TMEM131: variants seen among roughly 807,000 people sequenced by gnomAD.
TMEM131 encodes 2610524E03Rik.
In TMEM131, 66 loss-of-function variants were observed where a neutral mutation model predicts 211.6. That is an observed-to-expected ratio of 0.31 (90% CI 0.26 to 0.38). The LOEUF (loss-of-function observed/expected upper bound fraction) is 0.38. Among genes scored for constraint, TMEM131 ranks in the 10% least tolerant of loss-of-function variants. TMEM131 has a pLI of 1.00. For synonymous variants in TMEM131, 844 were observed against 841.3 expected (o/e 1.00, Z -0.06); for missense variants, 2,036 against 2,299.3 (o/e 0.89, Z 2.34).
At chr2:97,832,335 C>G (rs566756666) in intron 11 of TMEM131, among the ~76,000 whole-genome samples, 2 of 152,100 alleles carry the variant, frequency 1.3e-5, no homozygotes, top group South Asian at 4.1e-4. Flanking sequence ...ATTTATTGTA[C>G]GTAAAAAGTT....
In TMEM131 at chr2:97,960,766, T is replaced by C. The variant is rs371199690; in HGVS notation, c.188-33279A>G. 3.3e-5 allele frequency among the ~76,000 whole-genome samples: 5 copies of C among 152,124 alleles called. No individual in the cohort carries two copies. The East Asian group carries it at 5.8e-4, about 18-fold the overall frequency. On this transcript the variant is annotated intron_variant, in intron 1 of 40. Transcript: ENST00000186436. ...CCAACAGACTTCATTAATGCAGACA[T>C]AAAAAATGCTTAAAGGTGTTTTACC...
At chr2:97,870,266 G>C (rs1274934816) in intron 4 of TMEM131, among the ~76,000 whole-genome samples, 1 of 152,082 alleles carries the variant, frequency 6.6e-6, no homozygotes, top group East Asian at 1.9e-4. Flanking sequence ...GTATGTACAG[G>C]TACATTAGAG....
At chr2:97,789,120 A>G (rs1415162407) in intron 31 of TMEM131, among the ~76,000 whole-genome samples, 2 of 152,204 alleles carry the variant, frequency 1.3e-5, no homozygotes, top group African/African-American at 4.8e-5. Flanking sequence ...CGCTTCACAC[A>G]AACTGTTCTT....
At chr2:97,850,289 C>T (rs773523298) in intron 5 of TMEM131, among the ~76,000 whole-genome samples, 23 of 152,008 alleles carry the variant, frequency 1.5e-4, no homozygotes, top group Non-Finnish European at 8.8e-5. Context: ...CAAACCTGAC[C>T]CACAGAAAGG....
chr2:97,976,592 T>A (rs1679546617), intron 1 of TMEM131, among the ~76,000 whole-genome samples: 1 of 152,134 alleles, frequency 6.6e-6, no homozygotes, highest in South Asian at 2.1e-4. Context: ...CACAAATTCA[T>A]CTATAGATTC....
chr2:97,972,749 A>G (rs1679363435), intron 1 of TMEM131, among the ~76,000 whole-genome samples: 1 of 152,120 alleles, frequency 6.6e-6, no homozygotes, highest in South Asian at 2.1e-4. Context: ...AATGTCCTTA[A>G]AAGTGGAAGA....
chr2:97,787,551 G>A (rs766449478), intron 31 of TMEM131, among the ~76,000 whole-genome samples: 18 of 152,174 alleles, frequency 1.2e-4, no homozygotes, highest in Non-Finnish European at 2.2e-4. Flanking sequence ...CATTGTCTGG[G>A]CCCCAGGCCT....
chr2:97,920,374 G>A (rs1676690266), intron 2 of TMEM131, among the ~76,000 whole-genome samples: 1 of 152,118 alleles, frequency 6.6e-6, no homozygotes, highest in Middle Eastern at 3.2e-3. Context: ...TCTGAGATGA[G>A]GAAAGTGTCA....
intron 3 of TMEM131, among the ~76,000 whole-genome samples, chr2:97,899,284 T>C (rs773129320): frequency 1.3e-5 from 2 of 152,160 alleles, no homozygotes; most frequent in Non-Finnish European, 2.9e-5. Context: ...ACTTGCATAC[T>C]TACGAAGAAG....
At chr2:97,787,272 G>A (rs1680299087) in intron 31 of TMEM131, among the ~76,000 whole-genome samples, 3 of 152,218 alleles carry the variant, frequency 2.0e-5, no homozygotes, top group Non-Finnish European at 4.4e-5. Flanking sequence ...GTTAGTCTGA[G>A]CTAGTTAGTT....
At chr2:97,777,310 C>T (rs531992943) in intron 31 of TMEM131, among the ~76,000 whole-genome samples, 1 of 152,228 alleles carries the variant, frequency 6.6e-6, no homozygotes, top group Non-Finnish European at 1.5e-5. Flanking sequence ...CTTAATACAA[C>T]TTAATTAAAA....
intron 14 of TMEM131, 36 bp from the exon 15 acceptor site, chr2:97,814,177 C>A: frequency 1.2e-6 from 2 of 1,612,142 alleles, no homozygotes; most frequent in South Asian, 2.2e-5. Context: ...AACAAAGTGT[C>A]AGCATCACCT....
chr2:97,912,684 C>T (rs904333113), intron 2 of TMEM131, among the ~76,000 whole-genome samples: 1 of 152,146 alleles, frequency 6.6e-6, no homozygotes, highest in Non-Finnish European at 1.5e-5. Context: ...TTTGGAGACA[C>T]CTTTCCTACC....
intron 13 of TMEM131, 109 bp downstream of exon 13, chr2:97,815,090 C>T (rs2104978993): frequency 5.7e-6 from 3 of 522,082 alleles, no homozygotes; most frequent in East Asian, 7.0e-5. Flanking sequence ...AAAAATAATT[C>T]CATCAAGTTT....
intron 1 of TMEM131, among the ~76,000 whole-genome samples, chr2:97,966,491 C>A (rs1399318868): frequency 6.6e-6 from 1 of 152,142 alleles, no homozygotes; most frequent in Non-Finnish European, 1.5e-5. Flanking sequence ...CCAGGAATCA[C>A]CCCTTCTTCA....
intron 17 of TMEM131, among the ~76,000 whole-genome samples, chr2:97,811,461 A>G (rs1681544752): frequency 6.6e-6 from 1 of 152,134 alleles, no homozygotes; most frequent in Non-Finnish European, 1.5e-5. Flanking sequence ...TTCCTGAAAG[A>G]GGGAGGGGTG....
At chr2:97,882,625 T>G (rs1043679431) in intron 4 of TMEM131, among the ~76,000 whole-genome samples, 77 of 152,206 alleles carry the variant, frequency 5.1e-4, no homozygotes, top group African/African-American at 1.8e-3. Context: ...CCCGCTATCC[T>G]CCCTTACTGA....
intron 5 of TMEM131, among the ~76,000 whole-genome samples, chr2:97,850,391 C>T (rs1367948615): frequency 6.6e-6 from 1 of 152,072 alleles, no homozygotes; most frequent in African/African-American, 2.4e-5. Context: ...TATATCAGTA[C>T]TCATAGAGGT....
chr2:97,890,826 G>C lies in TMEM131; in HGVS notation c.291-2706C>G, dbSNP rs529950359. Among the ~76,000 whole-genome samples, 4 of 152,226 alleles carry C rather than the reference G, an allele frequency of 2.6e-5. No homozygotes were observed. In the East Asian group the frequency reaches 7.7e-4, roughly 29 times the overall value. ...ATAAGTTTTATTTTTTATGTCTTGT[G>C]CTAAGATCTCCTGTAAAATGCTTCA... is the stretch of plus-strand genomic sequence containing the variant. On this transcript the variant is annotated intron_variant, in intron 3 of 40. Transcript: ENST00000186436.
Sources: allele counts gnomAD v4.1 joint callset (sites outside exome capture counted in the v4.1 genomes callset), GRCh38; gene constraint gnomAD v4.1.1; transcripts MANE v1.5; gene names NCBI Gene and HGNC (gene_info 2026-07-23, HGNC 2026-07-21).